The following NLGN1 variants were observed in gnomAD, a reference collection of about 807,000 sequenced individuals.
The protein encoded by NLGN1 is neuroligin-1.
Under a neutral mutation model 65.5 loss-of-function variants are expected in NLGN1, and 12 were observed. The observed-to-expected ratio is 0.18, with a 90% confidence interval of 0.12 to 0.30. The LOEUF (loss-of-function observed/expected upper bound fraction) is 0.30. NLGN1 is among the 10% of genes least tolerant of loss of function. The pLI is 1.00. For synonymous variants in NLGN1, 350 were observed against 359.5 expected (o/e 0.97, Z 0.30); for missense variants, 750 against 1,007.1 (o/e 0.74, Z 3.46).
rs71162356 is a variant in NLGN1, at chr3:173,734,381, A to ATTTTTTTTTTT, written c.494-73277_494-73267dup. Among the ~76,000 whole-genome samples the ATTTTTTTTTTT allele has an allele frequency of 4.1e-3, 164 of 40,080 alleles. 17 individuals carry two copies. Among genetic ancestry groups the ATTTTTTTTTTT allele is most frequent in the Admixed American group, 5.4e-3 (11 of 2,040 alleles). The allele number at this position is 40,080 out of a possible 152,430, so 26.3% of individuals were successfully genotyped here. ...ATAATTAGATTCTGTGGATAATTCT[A>ATTTTTTTTTTT]TTTTTTTTTTTTTTTTTTTTTTTTT... On this transcript the variant is annotated intron_variant, in intron 3 of 6. Transcript: ENST00000457714.
intron 4 of NLGN1, among the ~76,000 whole-genome samples, chr3:173,847,614 A>G (rs961899608): frequency 1.3e-5 from 2 of 152,136 alleles, no homozygotes; most frequent in African/African-American, 4.8e-5. Flanking sequence ...TTTAAAATGT[A>G]TTGTATTATT....
At chr3:173,833,239 AC>A (rs1722944271) in intron 4 of NLGN1, among the ~76,000 whole-genome samples, 1 of 151,178 alleles carries the variant, frequency 6.6e-6, no homozygotes, top group Non-Finnish European at 1.5e-5. Flanking sequence ...AACTTCAAAA[AC>A]CCTTTTACTG....
At chr3:174,071,871 A>G (rs9866589) in intron 4 of NLGN1, among the ~76,000 whole-genome samples, 2,994 of 152,302 alleles carry the variant, frequency 0.02, 93 homozygotes, top group African/African-American at 0.062. Context: ...TTCCAAGAAT[A>G]TAGAGACAAT....
rs79525708 is a variant in NLGN1 at position 173,825,722 on chromosome 3, A to G, written c.646+17890A>G. Among the ~76,000 whole-genome samples the G allele has an allele frequency of 1.9e-4, 29 of 152,224 alleles. 1 individual carries two copies. In the East Asian group the frequency reaches 5.6e-3, roughly 29 times the overall value. On this transcript the variant is annotated intron_variant, in intron 4 of 6. Transcript: ENST00000457714. ...ATCTAAGAAATGGTAAAATTAAAAT[A>G]ACTATATTCATCATTTTGATCTTTT... is the stretch of plus-strand genomic sequence containing the variant.
chr3:173,890,156 A>C (rs1338926904), intron 4 of NLGN1, among the ~76,000 whole-genome samples: 1 of 152,172 alleles, frequency 6.6e-6, no homozygotes, highest in Non-Finnish European at 1.5e-5. Flanking sequence ...AAAATTCTAC[A>C]TGCATTAACT....
intron 3 of NLGN1, among the ~76,000 whole-genome samples, chr3:173,670,514 A>G (rs567973064): frequency 6.6e-6 from 1 of 152,240 alleles, no homozygotes; most frequent in African/African-American, 2.4e-5. Context: ...ATTATAAGTT[A>G]TTGGTGGTTT....
chr3:173,892,284 A>G (rs1735493437), intron 4 of NLGN1, among the ~76,000 whole-genome samples: 1 of 150,970 alleles, frequency 6.6e-6, no homozygotes, highest in South Asian at 2.1e-4. Flanking sequence ...TGTGTGTCAT[A>G]TCCTCCAATA....
chr3:173,539,975 G>A (rs1454901346), intron 2 of NLGN1, among the ~76,000 whole-genome samples: 1 of 150,564 alleles, frequency 6.6e-6, no homozygotes, highest in African/African-American at 2.4e-5. Context: ...TGTTGAGTAG[G>A]GCAACTTTAT....
intron 2 of NLGN1, among the ~76,000 whole-genome samples, chr3:173,548,005 A>T (rs1740189914): frequency 6.6e-6 from 1 of 152,018 alleles, no homozygotes; most frequent in East Asian, 1.9e-4. Context: ...CCTCCCCACA[A>T]TCATTTTCTC....
At chr3:173,450,830 A>G (rs1372951071) in intron 2 of NLGN1, among the ~76,000 whole-genome samples, 10 of 152,022 alleles carry the variant, frequency 6.6e-5, no homozygotes, top group Non-Finnish European at 1.2e-4. Context: ...CATAGCTGAT[A>G]CCCTTTCTTC....
intron 3 of NLGN1, among the ~76,000 whole-genome samples, chr3:173,793,175 T>G (rs1713191992): frequency 6.6e-6 from 1 of 152,072 alleles, no homozygotes; most frequent in Non-Finnish European, 1.5e-5. Flanking sequence ...CAAAATGGAT[T>G]GGGAGAGAGT....
At chr3:173,528,911 A>G (rs900234961) in intron 2 of NLGN1, among the ~76,000 whole-genome samples, 3 of 151,952 alleles carry the variant, frequency 2.0e-5, no homozygotes, top group African/African-American at 4.8e-5. Context: ...CTTACAATCT[A>G]TACTTTGAAT....
At chr3:173,789,006 G>T (rs760975832) in intron 3 of NLGN1, among the ~76,000 whole-genome samples, 1 of 151,920 alleles carries the variant, frequency 6.6e-6, no homozygotes, top group Non-Finnish European at 1.5e-5. Context: ...GACCAACCTG[G>T]CCAATATGGT....
intron 4 of NLGN1, among the ~76,000 whole-genome samples, chr3:174,040,093 C>A (rs535286794): frequency 2.0e-5 from 3 of 152,274 alleles, no homozygotes; most frequent in African/African-American, 7.2e-5. Context: ...CATTTGGCTC[C>A]CCACTATTGA....
chr3:173,447,861 T>A (rs1720680256), intron 2 of NLGN1, among the ~76,000 whole-genome samples: 1 of 152,190 alleles, frequency 6.6e-6, no homozygotes, highest in South Asian at 2.1e-4. Flanking sequence ...GCTCTCTGTT[T>A]GTCTGTTATT....
intron 4 of NLGN1, among the ~76,000 whole-genome samples, chr3:173,998,666 G>A (rs535247397): frequency 1.3e-5 from 2 of 152,268 alleles, no homozygotes; most frequent in South Asian, 2.1e-4. Context: ...CTTCTCAGGA[G>A]GCAATAAAAT....
At chr3:173,570,572 G>A (rs756423504) in intron 2 of NLGN1, among the ~76,000 whole-genome samples, 1 of 152,148 alleles carries the variant, frequency 6.6e-6, no homozygotes, top group Admixed American at 6.5e-5. Context: ...GATTTTTAGC[G>A]CTCCAGGAAG....
chr3:173,992,985 TGGCGTA>T (rs1377508479), intron 4 of NLGN1, among the ~76,000 whole-genome samples: 2 of 152,210 alleles, frequency 1.3e-5, no homozygotes, highest in Non-Finnish European at 2.9e-5. Flanking sequence ...AATGATTGTG[TGGCGTA>T]ATAGTACAAG....
At position 174,218,615 on chromosome 3, in the gene NLGN1, G is replaced by C. The variant is rs140426269; in HGVS notation, c.647-56700G>C. Among the ~76,000 whole-genome samples, 544 of 152,116 alleles carry C rather than the reference G, an allele frequency of 3.6e-3. 6 individuals are homozygous for C. The highest frequency in any genetic ancestry group is 0.013 in the African/African-American group (526 of 41,530). On this transcript the variant is annotated intron_variant, in intron 4 of 6. Transcript: ENST00000457714. ...CAAGACAAGGAATCCTCTTCTTTGG[G>C]ACTCTCTTAGATGAGGGCTAAAGTG...
Sources: gnomAD v4.1 joint callset for allele counts (sites outside exome capture counted in the v4.1 genomes callset) on GRCh38, gnomAD v4.1.1 for gene constraint, MANE v1.5 for transcripts, NCBI Gene and HGNC (gene_info 2026-07-23, HGNC 2026-07-21) for gene names.